Variants in GPC6 observed in about 807,000 individuals in gnomAD.
GPC6 encodes glypican-6.
In GPC6, 14 loss-of-function variants were observed where a neutral mutation model predicts 55.2. That is an observed-to-expected ratio of 0.25 (90% CI 0.17 to 0.40). The LOEUF (loss-of-function observed/expected upper bound fraction) is 0.40. Ranked by LOEUF, GPC6 falls within the 10% of genes least tolerant of loss-of-function variation. GPC6 has a pLI of 1.00. For synonymous variants in GPC6, 278 were observed against 259.6 expected (o/e 1.07, Z -0.68); for missense variants, 641 against 708.5 (o/e 0.90, Z 1.08).
chr13:94,370,754 A>C (rs1402736840), intron 6 of GPC6, among the ~76,000 whole-genome samples: 1 of 152,214 alleles, frequency 6.6e-6, no homozygotes. Flanking sequence ...CCGAATGATA[A>C]ACAACCAGAG....
chr13:94,271,117 A>T (rs144985833), intron 4 of GPC6, among the ~76,000 whole-genome samples: 1 of 150,720 alleles, frequency 6.6e-6, no homozygotes, highest in East Asian at 2.0e-4. Context: ...CAGCCTCCCG[A>T]GTAGCTGGGA....
intron 4 of GPC6, among the ~76,000 whole-genome samples, chr13:94,126,510 C>T (rs1886820159): frequency 6.6e-6 from 1 of 152,126 alleles, no homozygotes; most frequent in African/African-American, 2.4e-5. Context: ...GACTTTCTAC[C>T]AGGAAAAAGT....
chr13:93,879,629 A>G (rs1225427104), intron 3 of GPC6, among the ~76,000 whole-genome samples: 5 of 150,420 alleles, frequency 3.3e-5, no homozygotes, highest in African/African-American at 1.2e-4. Flanking sequence ...AAACCTAGGC[A>G]TTACCATTCA....
intron 3 of GPC6, among the ~76,000 whole-genome samples, chr13:93,979,150 T>A (rs992252000): frequency 2.6e-5 from 4 of 152,152 alleles, no homozygotes; most frequent in Non-Finnish European, 2.9e-5. Flanking sequence ...CACTCTCCAA[T>A]ATGGTACTCA....
At position 93,325,206 on chromosome 13, in the gene GPC6, C is replaced by A. The variant is rs908460097; in HGVS notation, c.160+97590C>A. On this transcript the variant is annotated intron_variant, in intron 1 of 8. Transcript: ENST00000377047. ...TTCTAGCCAGTTAGTCCCCACATAA[C>A]CCCCCACAATAAAATTAAGAGGTGG... Among the ~76,000 whole-genome samples, 4 of 152,188 alleles carry A rather than the reference C, an allele frequency of 2.6e-5. No homozygotes were observed. In the East Asian group the frequency reaches 7.7e-4, roughly 29 times the overall value.
intron 1 of GPC6, among the ~76,000 whole-genome samples, chr13:93,365,029 A>G (rs765304380): frequency 2.4e-4 from 36 of 152,056 alleles, no homozygotes; most frequent in Non-Finnish European, 4.3e-4. Context: ...CATCTTCTGC[A>G]TTTAGATCTG....
At chr13:93,968,186 T>G (rs1351281178) in intron 3 of GPC6, among the ~76,000 whole-genome samples, 1 of 152,194 alleles carries the variant, frequency 6.6e-6, no homozygotes, top group Non-Finnish European at 1.5e-5. Context: ...AATGAAAGGA[T>G]GTAGCCAATT....
intron 2 of GPC6, among the ~76,000 whole-genome samples, chr13:93,750,285 G>A (rs1440467482): frequency 2.0e-5 from 3 of 152,128 alleles, no homozygotes; most frequent in Admixed American, 2.0e-4. Context: ...AATTCTACTT[G>A]GCTATTTCTA....
chr13:93,857,081 G>A (rs996516580), intron 3 of GPC6, among the ~76,000 whole-genome samples: 4 of 151,586 alleles, frequency 2.6e-5, no homozygotes, highest in Admixed American at 2.0e-4. Context: ...GGGATGCAAT[G>A]CATTTTGTCA....
intron 2 of GPC6, among the ~76,000 whole-genome samples, chr13:93,745,702 C>A (rs1398860351): frequency 6.6e-6 from 1 of 152,164 alleles, no homozygotes; most frequent in African/African-American, 2.4e-5. Flanking sequence ...GGAGGGTAAG[C>A]AACCAATATG....
intron 1 of GPC6, among the ~76,000 whole-genome samples, chr13:93,393,339 C>G (rs1251642479): frequency 6.6e-6 from 1 of 151,752 alleles, no homozygotes; most frequent in Non-Finnish European, 1.5e-5. Context: ...GGAATTTCAC[C>G]ATGTTGGCCA....
intron 5 of GPC6, among the ~76,000 whole-genome samples, chr13:94,287,709 T>G (rs535567802): frequency 6.9e-4 from 105 of 152,328 alleles, no homozygotes; most frequent in African/African-American, 2.4e-3. Flanking sequence ...GGGGTTTCCA[T>G]GAAAGGCCAT....
In GPC6 at chr13:94,123,642, A is replaced by C. The variant is rs140603569; in HGVS notation, c.877+95748A>C. ...GTTAAAAACTTCCCAAAATGCCACAAATCTTTGAGCTCTTAAGCAACTGTG... is the reference window on the plus strand; with the variant it reads ...GTTAAAAACTTCCCAAAATGCCACACATCTTTGAGCTCTTAAGCAACTGTG... On this transcript the variant is annotated intron_variant, in intron 4 of 8. Coordinates refer to ENST00000377047, the MANE Select transcript of GPC6 (RefSeq NM_005708.5). Among the ~76,000 whole-genome samples the C allele has an allele frequency of 3.1e-3, 476 of 152,088 alleles. 4 individuals are homozygous for C. The highest frequency in any genetic ancestry group is 0.011 in the African/African-American group (462 of 41,532).
chr13:93,850,937 T>C (rs187695607), intron 3 of GPC6, among the ~76,000 whole-genome samples: 66 of 152,098 alleles, frequency 4.3e-4, no homozygotes, highest in Non-Finnish European at 7.5e-4. Context: ...AGCATTTAGA[T>C]CTGCCTTGGA....
At chr13:93,358,322 A>C (rs1211040125) in intron 1 of GPC6, among the ~76,000 whole-genome samples, 2 of 152,238 alleles carry the variant, frequency 1.3e-5, no homozygotes, top group Non-Finnish European at 2.9e-5. Flanking sequence ...CCTGGGCGAC[A>C]GAGTAAGACC....
intron 3 of GPC6, among the ~76,000 whole-genome samples, chr13:93,914,357 G>A (rs1183468295): frequency 4.6e-5 from 7 of 152,026 alleles, no homozygotes; most frequent in Non-Finnish European, 1.0e-4. Flanking sequence ...TGAGAATGAT[G>A]GTTTCCAGCT....
chr13:93,490,679 C>T (rs1879958523), intron 1 of GPC6, among the ~76,000 whole-genome samples: 1 of 90,580 alleles, frequency 1.1e-5, no homozygotes, highest in Non-Finnish European at 2.1e-5. Context: ...CTCCCCCCAC[C>T]CCACCACAGT....
chr13:93,804,073 A>G (rs919753479), intron 2 of GPC6, among the ~76,000 whole-genome samples: 4 of 152,270 alleles, frequency 2.6e-5, no homozygotes, highest in African/African-American at 9.6e-5. Context: ...GATGAATTGT[A>G]TGGAAGTATA....
chr13:94,034,384 G>A, intron 4 of GPC6, among the ~76,000 whole-genome samples: 1 of 152,134 alleles, frequency 6.6e-6, no homozygotes, highest in Non-Finnish European at 1.5e-5. Context: ...GATACAATAG[G>A]GTTAATGCCT....
Sources: gnomAD v4.1 joint callset for allele counts (sites outside exome capture counted in the v4.1 genomes callset) on GRCh38, gnomAD v4.1.1 for gene constraint, MANE v1.5 for transcripts, NCBI Gene and HGNC (gene_info 2026-07-23, HGNC 2026-07-21) for gene names.